RBMS3: variants seen among roughly 807,000 people sequenced by gnomAD.
RBMS3 encodes the protein RNA-binding motif, single-stranded-interacting protein 3.
In RBMS3, 27 loss-of-function variants were observed where a neutral mutation model predicts 66.8. That is an observed-to-expected ratio of 0.40 (90% confidence interval 0.30 to 0.56). The LOEUF is 0.56. RBMS3 is among the 20% of genes least tolerant of loss of function. The probability of loss-of-function intolerance (pLI) is 0.40; values close to 1 mark genes in which losing one functional copy is unlikely to be tolerated. For missense variants in RBMS3, 513 were observed against 549.5 expected, an observed-to-expected ratio of 0.93 and a Z score of 0.66; for synonymous variants, 188 against 183.0, an observed-to-expected ratio of 1.03 and a Z score of -0.22.
At chr3:29,753,286 C>G (rs984116170) in intron 5 of RBMS3, among the ~76,000 whole-genome samples, 1 of 152,042 alleles carries the variant, frequency 6.6e-6, no homozygotes, top group Non-Finnish European at 1.5e-5. Context: ...ACATTGAATC[C>G]CGGGTCCCCC....
intron 4 of RBMS3, among the ~76,000 whole-genome samples, chr3:29,655,251 G>A (rs2050286307): frequency 6.6e-6 from 1 of 152,126 alleles, no homozygotes; most frequent in Non-Finnish European, 1.5e-5. Flanking sequence ...TGCTTTCATG[G>A]AAAGAGAGCT....
intron 4 of RBMS3, among the ~76,000 whole-genome samples, chr3:29,715,762 G>T (rs192396683): frequency 2.0e-5 from 3 of 152,080 alleles, no homozygotes; most frequent in Non-Finnish European, 2.9e-5. Context: ...GTGACAAATC[G>T]TTTTGTTCAG....
intron 2 of RBMS3, among the ~76,000 whole-genome samples, chr3:29,472,441 C>T (rs773106312): frequency 6.6e-6 from 1 of 152,084 alleles, no homozygotes; most frequent in Non-Finnish European, 1.5e-5. Context: ...AGTGATCTGC[C>T]CACCTTGGCC....
chr3:29,285,131 T>G (rs1197120192), intron 1 of RBMS3, among the ~76,000 whole-genome samples: 2 of 150,636 alleles, frequency 1.3e-5, no homozygotes, highest in South Asian at 4.2e-4. Flanking sequence ...CAACATTTTT[T>G]AAGTATTTTA....
intron 4 of RBMS3, among the ~76,000 whole-genome samples, chr3:29,706,869 T>C (rs943662992): frequency 4.6e-5 from 7 of 152,170 alleles, no homozygotes; most frequent in Non-Finnish European, 8.8e-5. Flanking sequence ...CCCAAAGATA[T>C]CTTGCATCCA....
chr3:29,892,554 T>A (rs1327560718), intron 8 of RBMS3, among the ~76,000 whole-genome samples: 1 of 151,494 alleles, frequency 6.6e-6, no homozygotes, highest in African/African-American at 2.4e-5. Context: ...TTAGAACCAC[T>A]GGGTTCAGTG....
intron 1 of RBMS3, among the ~76,000 whole-genome samples, chr3:29,284,980 G>T (rs1222375331): frequency 2.7e-5 from 4 of 148,190 alleles, no homozygotes; most frequent in African/African-American, 7.5e-5. Flanking sequence ...AGAAACAACC[G>T]GATGAAAAAA....
At chr3:29,986,579 G>A (rs746364597) in intron 12 of RBMS3, among the ~76,000 whole-genome samples, 15 of 152,158 alleles carry the variant, frequency 9.9e-5, no homozygotes, top group Non-Finnish European at 1.5e-4. Flanking sequence ...TATAGCAGAG[G>A]CAAATTACCT....
At chr3:29,482,216 T>C (rs1239674950) in intron 2 of RBMS3, among the ~76,000 whole-genome samples, 1 of 152,218 alleles carries the variant, frequency 6.6e-6, no homozygotes, top group African/African-American at 2.4e-5. Context: ...TCATAAACTT[T>C]CGCTAAGGTG....
At chr3:29,597,375 A>C (rs945832942) in intron 4 of RBMS3, among the ~76,000 whole-genome samples, 1 of 152,176 alleles carries the variant, frequency 6.6e-6, no homozygotes, top group Non-Finnish European at 1.5e-5. Context: ...TGCATGCTAT[A>C]TTTATTACAC....
chr3:29,418,300 C>T (rs187491047), intron 1 of RBMS3, among the ~76,000 whole-genome samples: 135 of 152,092 alleles, frequency 8.9e-4, no homozygotes, highest in Non-Finnish European at 1.6e-3. Context: ...TGTGTCATTG[C>T]GCAAAATTGT....
rs1699798607 is a variant in RBMS3, at chr3:30,006,234, G to C, written c.*2372G>C. 1 of 151,844 alleles carries C rather than the reference G, an allele frequency of 6.6e-6. No individual in the cohort carries two copies. The highest frequency in any genetic ancestry group is 1.5e-5 in the Non-Finnish European group (1 of 67,826). 9.4% of individuals were successfully genotyped at this position (151,844 alleles called of 1,614,324 possible). On this transcript the variant is annotated 3_prime_UTR_variant, in exon 15 of 15. Coordinates refer to ENST00000383767, the MANE Select transcript of RBMS3 (RefSeq NM_001003793.3). ...TTTTTAAAAACTAAAAAGTTTTAAA[G>C]GTAAATCATATTCCCATTAGGTCAA...
chr3:29,457,054 C>T (rs1376884344), intron 2 of RBMS3, among the ~76,000 whole-genome samples: 1 of 152,138 alleles, frequency 6.6e-6, no homozygotes, highest in Non-Finnish European at 1.5e-5. Flanking sequence ...TGCTCAGAGT[C>T]ACACTTCATC....
At chr3:29,395,218 A>G (rs541791344) in intron 1 of RBMS3, among the ~76,000 whole-genome samples, 1 of 152,282 alleles carries the variant, frequency 6.6e-6, no homozygotes, top group South Asian at 2.1e-4. Flanking sequence ...TTTCTACCAC[A>G]AGTTTTTTCT....
chr3:29,844,425 G>GAA (rs1486496206), intron 6 of RBMS3, among the ~76,000 whole-genome samples: 1 of 152,126 alleles, frequency 6.6e-6, no homozygotes, highest in Non-Finnish European at 1.5e-5. Context: ...GTTTGTTAGA[G>GAA]AACACAGAGT....
At chr3:29,657,638 G>T (rs2050372447) in intron 4 of RBMS3, among the ~76,000 whole-genome samples, 1 of 152,128 alleles carries the variant, frequency 6.6e-6, no homozygotes, top group Non-Finnish European at 1.5e-5. Flanking sequence ...GAGGGGCAGG[G>T]TTCTCTTTGG....
intron 1 of RBMS3, among the ~76,000 whole-genome samples, chr3:29,425,114 T>A (rs2040892499): frequency 1.4e-5 from 2 of 145,090 alleles, no homozygotes; most frequent in Admixed American, 1.4e-4. Context: ...GAGGCCGAGG[T>A]GGGCGGATCA....
chr3:29,793,744 G>A lies in RBMS3; in HGVS notation c.637+30755G>A, dbSNP rs554267742. On this transcript the variant is annotated intron_variant, in intron 6 of 14. Coordinates refer to ENST00000383767, the MANE Select transcript of RBMS3 (RefSeq NM_001003793.3). ...GATGTGGCTTACACGCTGTTTCAGA[G>A]ATGTATGGTCATTCTTTGGTCCTTT... Among the ~76,000 whole-genome samples the A allele has an allele frequency of 2.6e-5, 4 of 152,332 alleles. No individual in the cohort carries two copies. The South Asian group carries it at 6.2e-4, about 24-fold the overall frequency.
At chr3:29,761,476 G>A (rs922734772) in intron 5 of RBMS3, among the ~76,000 whole-genome samples, 13 of 151,930 alleles carry the variant, frequency 8.6e-5, no homozygotes, top group African/African-American at 2.7e-4. Context: ...TAATAAGGAC[G>A]CACGCCCTCC....
Sources: gnomAD v4.1 joint callset for allele counts (sites outside exome capture counted in the v4.1 genomes callset) on GRCh38, gnomAD v4.1.1 for gene constraint, MANE v1.5 for transcripts, NCBI Gene and HGNC (gene_info 2026-07-23, HGNC 2026-07-21) for gene names.